ZNF385D: variants seen among roughly 807,000 people sequenced by gnomAD.
ZNF385D encodes zinc finger protein 659.
ZNF385D carries 15 observed loss-of-function variants against 35.8 expected under a neutral mutation model. That is an observed-to-expected ratio of 0.42 (90% confidence interval 0.28 to 0.64). The LOEUF is 0.64. Among genes scored for constraint, ZNF385D ranks in the 30% least tolerant of loss-of-function variants. The pLI, the probability that ZNF385D is intolerant of heterozygous loss-of-function variation, is 0.23. For missense variants in ZNF385D, 474 were observed against 494.6 expected (o/e 0.96, Z 0.39); for synonymous variants, 212 against 186.8 (o/e 1.13, Z -1.10).
At chr3:22,193,257 G>T (rs986272611) in intron 2 of ZNF385D, among the ~76,000 whole-genome samples, 1 of 151,974 alleles carries the variant, frequency 6.6e-6, no homozygotes, top group Non-Finnish European at 1.5e-5. Flanking sequence ...GTAGCCCTTA[G>T]TAATTAAAAA....
At chr3:22,268,914 A>T (rs2125357845) in intron 2 of ZNF385D, among the ~76,000 whole-genome samples, 1 of 152,052 alleles carries the variant, frequency 6.6e-6, no homozygotes, top group East Asian at 1.9e-4. Context: ...TGTGGTGAAG[A>T]TATAATCAGC....
At chr3:22,189,020 C>G (rs529705076) in intron 2 of ZNF385D, among the ~76,000 whole-genome samples, 1 of 150,080 alleles carries the variant, frequency 6.7e-6, no homozygotes, top group South Asian at 2.1e-4. Context: ...GCCTCCTAGG[C>G]TTAGCAGAAA....
intron 2 of ZNF385D, among the ~76,000 whole-genome samples, chr3:22,357,168 C>T (rs1413016645): frequency 6.6e-6 from 1 of 151,754 alleles, no homozygotes; most frequent in Admixed American, 6.6e-5. Flanking sequence ...AAAAATAGAC[C>T]AGAATATATC....
intron 3 of ZNF385D, among the ~76,000 whole-genome samples, chr3:22,022,682 T>G (rs1697296364): frequency 6.6e-6 from 1 of 152,100 alleles, no homozygotes; most frequent in Non-Finnish European, 1.5e-5. Context: ...AACTCAACAT[T>G]GTATATTATG....
chr3:22,348,622 G>A (rs768276183), intron 2 of ZNF385D, among the ~76,000 whole-genome samples: 46 of 144,088 alleles, frequency 3.2e-4, no homozygotes, highest in African/African-American at 1.0e-3. Context: ...CCGAGATCAC[G>A]CCATTGCACT....
At chr3:22,305,548 C>A (rs1027616224) in intron 2 of ZNF385D, among the ~76,000 whole-genome samples, 14 of 152,124 alleles carry the variant, frequency 9.2e-5, no homozygotes, top group African/African-American at 2.9e-4. Context: ...GCTGATGCAG[C>A]CTCTACCTCC....
chr3:22,139,913 C>A (rs924148672), intron 3 of ZNF385D, among the ~76,000 whole-genome samples: 1 of 151,994 alleles, frequency 6.6e-6, no homozygotes, highest in Non-Finnish European at 1.5e-5. Flanking sequence ...ATCTACACTC[C>A]CATTAAAATG....
intron 2 of ZNF385D, among the ~76,000 whole-genome samples, chr3:22,214,878 T>C (rs1187248678): frequency 2.0e-5 from 2 of 100,628 alleles, no homozygotes; most frequent in African/African-American, 8.5e-5. Context: ...GATATTCTAT[T>C]ACCTTGTGAA....
At chr3:21,542,358 T>TTTTC (rs56387745) in intron 3 of ZNF385D, among the ~76,000 whole-genome samples, 120 of 150,946 alleles carry the variant, frequency 7.9e-4, no homozygotes, top group African/African-American at 2.9e-3. Flanking sequence ...TTTTTTTTTT[T>TTTTC]CCCAGAGATG....
intron 3 of ZNF385D, among the ~76,000 whole-genome samples, chr3:21,907,367 A>C (rs922030400): frequency 6.6e-6 from 1 of 152,140 alleles, no homozygotes; most frequent in African/African-American, 2.4e-5. Context: ...ATAAAATGGC[A>C]TTTGTTACCC....
chr3:22,148,854 TAAAG>T (rs1159023780), intron 3 of ZNF385D, among the ~76,000 whole-genome samples: 2 of 152,170 alleles, frequency 1.3e-5, no homozygotes, highest in African/African-American at 2.4e-5. Flanking sequence ...AATTGCTTCC[TAAAG>T]AAAGATAGAC....
intron 2 of ZNF385D, among the ~76,000 whole-genome samples, chr3:22,239,685 A>G (rs1160287343): frequency 1.3e-5 from 2 of 151,072 alleles, no homozygotes; most frequent in Non-Finnish European, 2.9e-5. Context: ...ATATCCTCCA[A>G]TAAACAGTGT....
intron 2 of ZNF385D, among the ~76,000 whole-genome samples, chr3:22,371,205 A>T (rs1388366013): frequency 6.6e-6 from 1 of 152,168 alleles, no homozygotes; most frequent in East Asian, 1.9e-4. Flanking sequence ...TGGCACGACA[A>T]CCCAGAGGGA....
chr3:22,343,207 A>C (rs1265710305), intron 2 of ZNF385D, among the ~76,000 whole-genome samples: 3 of 152,262 alleles, frequency 2.0e-5, no homozygotes, highest in Non-Finnish European at 4.4e-5. Flanking sequence ...ATTGACATAA[A>C]AGAGCTAATT....
chr3:22,267,020 G>C (rs1197081641), intron 2 of ZNF385D, among the ~76,000 whole-genome samples: 2 of 151,898 alleles, frequency 1.3e-5, no homozygotes, highest in Non-Finnish European at 2.9e-5. Context: ...ATTATTTAAA[G>C]TGAAACAAAA....
intron 4 of ZNF385D, among the ~76,000 whole-genome samples, chr3:21,453,369 G>C (rs1202874682): frequency 6.6e-6 from 1 of 151,866 alleles, no homozygotes; most frequent in Non-Finnish European, 1.5e-5. Context: ...AGACTAAGTT[G>C]AACTGCATCA....
intron 2 of ZNF385D, among the ~76,000 whole-genome samples, chr3:22,336,511 GTTA>G (rs1695165371): frequency 6.6e-6 from 1 of 151,982 alleles, no homozygotes; most frequent in Non-Finnish European, 1.5e-5. Flanking sequence ...AGAAGTCCAA[GTTA>G]TTATTTTCAA....
rs553772962 is a variant in ZNF385D, at chr3:21,831,699, C to G, written c.326-166671G>C. ...TCTTCTGAGCACTGGGGAGTTAGAT[C>G]GCTTTGCCTTCTATTGGATATAAAC... On this transcript the variant is annotated intron_variant, in intron 3 of 5. Transcript: ENST00000494108. Among the ~76,000 whole-genome samples the G allele has an allele frequency of 3.9e-5, 6 of 152,272 alleles. No homozygotes were observed. The South Asian group carries it at 1.2e-3, about 32-fold the overall frequency.
chr3:21,926,900 C>T (rs1575934422), intron 3 of ZNF385D, among the ~76,000 whole-genome samples: 1 of 152,030 alleles, frequency 6.6e-6, no homozygotes, highest in South Asian at 2.1e-4. Flanking sequence ...CAGTCTATCC[C>T]TCTGACAAAG....
Sources: gnomAD v4.1 joint callset for allele counts (sites outside exome capture counted in the v4.1 genomes callset) on GRCh38, gnomAD v4.1.1 for gene constraint, MANE v1.5 for transcripts, NCBI Gene and HGNC (gene_info 2026-07-23, HGNC 2026-07-21) for gene names.